The following FLNB variants were observed in gnomAD, a reference collection of about 807,000 sequenced individuals.
FLNB encodes filamin-B.
Under a neutral mutation model 250.6 loss-of-function variants are expected in FLNB, and 111 were observed. That is an observed-to-expected ratio of 0.44 (90% CI 0.38 to 0.52). The LOEUF (loss-of-function observed/expected upper bound fraction) is 0.52, where lower values mean the gene tolerates loss of function less well. Among genes scored for constraint, FLNB ranks in the 20% least tolerant of loss-of-function variants. The pLI, the probability that FLNB is intolerant of heterozygous loss-of-function variation, is 0.00. For missense variants in FLNB, 2,869 were observed against 3,447.8 expected (o/e 0.83, Z 4.20); for synonymous variants, 1,302 against 1,372.1 (o/e 0.95, Z 1.13).
intron 22 of FLNB, 114 bp downstream of exon 22, chr3:58,124,619 A>G (rs957289416): frequency 7.1e-6 from 8 of 1,119,508 alleles, no homozygotes; most frequent in Non-Finnish European, 9.2e-6. Flanking sequence ...CAGCAGGGCC[A>G]CGTGCAGAGT....
At chr3:58,148,437 C>A (rs2097339426) in intron 35 of FLNB, 73 bp downstream of exon 35, 5 of 1,527,798 alleles carry the variant, frequency 3.3e-6, no homozygotes, top group Non-Finnish European at 3.6e-6. Context: ...GCAGTCCTTT[C>A]TTGGGAATGG....
At chr3:58,134,215 A>T (rs1202550321) in intron 26 of FLNB, among the ~76,000 whole-genome samples, 1 of 152,192 alleles carries the variant, frequency 6.6e-6, no homozygotes, top group Non-Finnish European at 1.5e-5. Context: ...AGATTCTCAT[A>T]GGAGTGCGAA....
intron 14 of FLNB, 100 bp from the exon 15 acceptor site, chr3:58,109,476 C>A: frequency 6.2e-7 from 1 of 1,606,070 alleles, no homozygotes; most frequent in Non-Finnish European, 8.5e-7. Context: ...CAGAGTGCTC[C>A]AGCCTGCTCA....
intron 29 of FLNB, among the ~76,000 whole-genome samples, chr3:58,140,840 A>G (rs1049629676): frequency 5.3e-5 from 8 of 152,170 alleles, no homozygotes; most frequent in African/African-American, 1.7e-4. Context: ...CCTGACCTCC[A>G]GTGATCCACC....
At chr3:58,160,811 T>C (rs2097360262) in intron 42 of FLNB, among the ~76,000 whole-genome samples, 2 of 151,870 alleles carry the variant, frequency 1.3e-5, no homozygotes, top group South Asian at 4.2e-4. Context: ...TGAGACCCCT[T>C]CTCTACAAAA....
intron 1 of FLNB, among the ~76,000 whole-genome samples, chr3:58,033,081 C>G (rs1156946186): frequency 3.3e-5 from 5 of 152,128 alleles, no homozygotes; most frequent in Non-Finnish European, 5.9e-5. Context: ...TCAATCTCCC[C>G]ACCCCTGCCA....
At chr3:58,035,279 T>C (rs2097136502) in intron 1 of FLNB, among the ~76,000 whole-genome samples, 1 of 152,200 alleles carries the variant, frequency 6.6e-6, no homozygotes, top group Non-Finnish European at 1.5e-5. Flanking sequence ...ACACGTAAAT[T>C]GCAGAGTGCT....
rs1393371862 is a variant in FLNB, at chr3:58,096,176, A to G, written c.942A>G (p.Thr314=). 1 of 1,614,104 alleles carries G rather than the reference A, an allele frequency of 6.2e-7. No homozygotes were observed. Among genetic ancestry groups the G allele is most frequent in the Non-Finnish European group, 8.5e-7 (1 of 1,179,954 alleles). ...QVTPDSDKNK[T]YSVEYLPKVT... is the part of the protein sequence containing the mutation. ...CCCCTGACAGTGACAAGAACAAGAC[A>G]TACTCTGTGGAGTATCTGCCCAAGG... Residue 314 remains threonine, a synonymous_variant, in exon 6 of 46, where the codon ACA becomes ACG. Coordinates refer to ENST00000295956, the MANE Select transcript of FLNB (RefSeq NM_001457.4).
At chr3:58,081,554 A>G in intron 3 of FLNB, 75 bp from the exon 4 acceptor site, 1 of 1,383,836 alleles carries the variant, frequency 7.2e-7, no homozygotes, top group Non-Finnish European at 1.0e-6. Flanking sequence ...GCTTGGTTTA[A>G]GAGGCATTTG....
intron 18 of FLNB, among the ~76,000 whole-genome samples, chr3:58,114,823 C>T (rs2097275125): frequency 6.6e-6 from 1 of 151,084 alleles, no homozygotes; most frequent in Non-Finnish European, 1.5e-5. Context: ...TGCTGATCAT[C>T]TTTTCATGTG....
Position 58,109,184 on chromosome 3 carries a change from G to A in FLNB, c.2061G>A (p.Gly687=), listed in dbSNP as rs573374390. The change falls in exon 14 of 46, where the codon GGG becomes GGA. Residue 687 remains glycine (G), a synonymous_variant. Transcript: ENST00000295956. ...KAPLKIFAQD[G]EGQRIDIQMK... ...TAGCTCTGGCTTTTTTGCAGGATGGGGAAGGCCAACGCATTGACATCCAGA... is the reference window on the plus strand; with the variant it reads ...TAGCTCTGGCTTTTTTGCAGGATGGAGAAGGCCAACGCATTGACATCCAGA... 1.2e-6 allele frequency: 2 copies of A among 1,614,220 alleles called. No individual in the cohort carries two copies. Among genetic ancestry groups the A allele is most frequent in the South Asian group, 1.1e-5 (1 of 91,086 alleles).
chr3:58,107,786 G>A (rs1377039169), intron 12 of FLNB, among the ~76,000 whole-genome samples: 1 of 152,238 alleles, frequency 6.6e-6, no homozygotes, highest in African/African-American at 2.4e-5. Flanking sequence ...GCCCACACGG[G>A]CAGCTGTCCA....
chr3:58,025,075 G>C (rs1576599348), intron 1 of FLNB, among the ~76,000 whole-genome samples: 1 of 117,652 alleles, frequency 8.5e-6, no homozygotes, highest in South Asian at 2.8e-4. Context: ...TTTGTCTCCT[G>C]TAATGTCCTT....
rs2097308703 is a variant in FLNB, at chr3:58,132,271, C to T, written c.4391-537C>T. The T allele has an allele frequency of 2.8e-5, 14 of 497,094 alleles. No homozygotes were observed. The South Asian group carries it at 2.9e-4, about 10-fold the overall frequency. The allele number at this position is 497,094 out of a possible 1,614,324, so 30.8% of individuals were successfully genotyped here. A position where few individuals can be genotyped will look rare whatever the true frequency, so the allele number is the denominator to read the frequency against. On this transcript the variant is annotated intron_variant, in intron 25 of 45. Transcript: ENST00000295956. ...TCTCCACAGGCTTCACCTTGAGGGT[C>T]CCCTTGCCCCATGAGATTGGCACCC...
In FLNB at chr3:58,169,268, C is replaced by T; in HGVS notation, c.7418-322C>T. 1 of 387,522 alleles carries T rather than the reference C, an allele frequency of 2.6e-6. No individual in the cohort carries two copies. The highest frequency in any genetic ancestry group is 4.8e-6 in the Non-Finnish European group (1 of 206,438). The allele number at this position is 387,522 out of a possible 1,614,324, so 24.0% of individuals were successfully genotyped here. On this transcript the variant is annotated intron_variant, in intron 44 of 45. Transcript: ENST00000295956. This position sits in a 1 kb window ranked among gnomAD's most constrained non-coding sequence, Gnocchi z 4.8. ...AACTTTTACACTGCTTATACATAGA[C>T]TATTTTATGTCAATAGAAAGATGTG... is the stretch of plus-strand genomic sequence containing the variant.
In FLNB at chr3:58,170,782, G is replaced by A. The variant is rs1363817317; in HGVS notation, c.*20G>A. ...CCTTAAAACAGTTTTCTCAAATCCT[G>A]GAGAGAGTTCTTGTGGTTGCTTTTG... On this transcript the variant is annotated 3_prime_UTR_variant, in exon 46 of 46. Coordinates refer to ENST00000295956, the MANE Select transcript of FLNB (RefSeq NM_001457.4). 6.2e-7 allele frequency: 1 copy of A among 1,610,062 alleles called. No individual in the cohort carries two copies. The highest frequency in any genetic ancestry group is 8.5e-7 in the Non-Finnish European group (1 of 1,177,146).
At chr3:58,110,482 C>A (rs1346168637) in intron 16 of FLNB, among the ~76,000 whole-genome samples, 1 of 147,610 alleles carries the variant, frequency 6.8e-6, no homozygotes, top group Non-Finnish European at 1.5e-5. Context: ...TGGAGTTTTG[C>A]TCTTGTTGCC....
At chr3:58,151,429 C>G (rs528894967) in intron 38 of FLNB, 7 of 144,614 alleles carry the variant, frequency 4.8e-5, no homozygotes, top group African/African-American at 1.8e-4. Flanking sequence ...CTGTACTGAT[C>G]GTTTGTAGTC....
At position 58,123,270 on chromosome 3, in the gene FLNB, A is replaced by T. The variant is rs773448776; in HGVS notation, c.3304A>T (p.Thr1102Ser). ...GACCTGCTCCGTCTCTTACCTTCCCACAAAACCCGGGGAGTACTTCGTCAA... is the reference window on the plus strand; with the variant it reads ...GACCTGCTCCGTCTCTTACCTTCCCTCAAAACCCGGGGAGTACTTCGTCAA... Reference protein sequence around the residue: ...DGTCSVSYLPTKPGEYFVNIL... With the variant: ...DGTCSVSYLPSKPGEYFVNIL... Residue 1102 changes from threonine to serine, a missense_variant, in exon 21 of 46, where the codon ACA becomes TCA. By Grantham distance (58) the Thr-to-Ser change is moderately conservative (BLOSUM62 1). Coordinates refer to ENST00000295956, the MANE Select transcript of FLNB (RefSeq NM_001457.4). The T allele has an allele frequency of 1.2e-6, 2 of 1,614,110 alleles. No homozygotes were observed. The highest frequency in any genetic ancestry group is 4.5e-5 in the East Asian group (2 of 44,874).
Sources: allele counts gnomAD v4.1 joint callset (sites outside exome capture counted in the v4.1 genomes callset), GRCh38; gene constraint gnomAD v4.1.1; non-coding constraint Gnocchi (gnomAD v3.1); transcripts MANE v1.5; gene names NCBI Gene and HGNC (gene_info 2026-07-23, HGNC 2026-07-21).